The following RTTN variants were observed in gnomAD, a reference collection of about 807,000 sequenced individuals.
The protein encoded by RTTN is rotatin.
RTTN carries 182 observed loss-of-function variants against 269.2 expected under a neutral mutation model. That is an observed-to-expected ratio of 0.68 (90% CI 0.60 to 0.76). The LOEUF (loss-of-function observed/expected upper bound fraction) is 0.76, where lower values mean the gene tolerates loss of function less well. RTTN is among the 30% of genes least tolerant of loss of function. RTTN has a pLI of 0.00. For synonymous variants in RTTN, 1,006 were observed against 963.5 expected (o/e 1.04, Z -0.82); for missense variants, 2,545 against 2,608.6 (o/e 0.98, Z 0.53).
chr18:70,157,929 T>C (rs947679147), intron 14 of RTTN, among the ~76,000 whole-genome samples: 1 of 150,942 alleles, frequency 6.6e-6, no homozygotes, highest in Admixed American at 6.6e-5. Context: ...AAAAAAAAAC[T>C]TCAAGAAATA....
chr18:70,167,163 C>T, intron 12 of RTTN, 132 bp from the exon 13 acceptor site: 1 of 616,190 alleles, frequency 1.6e-6, no homozygotes, highest in Non-Finnish European at 2.8e-6. Context: ...TTTAAGTCCA[C>T]TTTCTCATCA....
At chr18:70,138,523 C>A (rs1296976783) in intron 21 of RTTN, 6 of 151,828 alleles carry the variant, frequency 4.0e-5, no homozygotes, top group Non-Finnish European at 7.4e-5. Context: ...AAAGGTAAAC[C>A]AGGAACTAAA....
intron 40 of RTTN, among the ~76,000 whole-genome samples, chr18:70,038,180 G>A (rs2057233652): frequency 6.6e-6 from 1 of 152,170 alleles, no homozygotes; most frequent in Non-Finnish European, 1.5e-5. Context: ...CAGGGTCTGG[G>A]GGAACTTACT....
chr18:70,075,612 C>T (rs2058408770), intron 32 of RTTN, 71 bp from the exon 33 acceptor site: 3 of 1,261,318 alleles, frequency 2.4e-6, no homozygotes, highest in Non-Finnish European at 3.2e-6. Flanking sequence ...GATCCATTGT[C>T]TCCTCTCGAG....
At chr18:70,077,390 GCT>G (rs2058455148) in intron 32 of RTTN, among the ~76,000 whole-genome samples, 1 of 151,836 alleles carries the variant, frequency 6.6e-6, no homozygotes, top group Non-Finnish European at 1.5e-5. Context: ...GACATCTACA[GCT>G]CTTTGAGAGA....
At chr18:70,121,218 T>C (rs1226762595) in intron 26 of RTTN, among the ~76,000 whole-genome samples, 5 of 152,096 alleles carry the variant, frequency 3.3e-5, no homozygotes, top group Admixed American at 2.0e-4. Flanking sequence ...TCTGGCTTTG[T>C]TAGCTAACTC....
chr18:70,188,206 T>C lies in RTTN; in HGVS notation c.1207A>G (p.Ile403Val). ...LLRTGSRQVI[I>V]RVLELLTEDM... is the part of the protein sequence containing the mutation. ...TCTGTAAGCAATTCCAGAACTCTTATTATCACTTGTCTGCTACCTAGGAAT... is the reference window on the plus strand; with the variant it reads ...TCTGTAAGCAATTCCAGAACTCTTACTATCACTTGTCTGCTACCTAGGAAT... Residue 403 changes from isoleucine to valine, a missense_variant, in exon 10 of 49, where the codon ATA becomes GTA. Coordinates refer to ENST00000640769, the MANE Select transcript of RTTN (RefSeq NM_173630.4). 1 of 1,599,858 alleles carries C rather than the reference T, an allele frequency of 6.3e-7. No homozygotes were observed. The highest frequency in any genetic ancestry group is 8.6e-7 in the Non-Finnish European group (1 of 1,168,346).
At chr18:70,099,358 T>A (rs1206030045) in intron 28 of RTTN, among the ~76,000 whole-genome samples, 5 of 152,240 alleles carry the variant, frequency 3.3e-5, no homozygotes, top group African/African-American at 4.8e-5. Flanking sequence ...CTTTCATGTG[T>A]CTGTTGGCTG....
chr18:70,146,069 A>C (rs2060384218), intron 17 of RTTN, among the ~76,000 whole-genome samples: 1 of 152,228 alleles, frequency 6.6e-6, no homozygotes, highest in South Asian at 2.1e-4. Context: ...CAATAAGTAC[A>C]TCTGCGAATT....
Position 70,017,479 on chromosome 18 carries a change from G to C in RTTN, c.6349C>G (p.Pro2117Ala). ...TGAAAGATAAGAAGAGGCAATAAAG[G>C]GCTGCTCTTGTGCTTGTATTTGCTC... ...EMSKYKHKSS[P>A]LLPLLIFHNV... is the part of the protein sequence containing the mutation. The change falls in exon 46 of 49, where the codon CCT becomes GCT. Residue 2117 changes from proline (P) to alanine (A), a missense_variant. Transcript: ENST00000640769. 6.2e-7 allele frequency: 1 copy of C among 1,613,918 alleles called. No individual in the cohort carries two copies.
intron 28 of RTTN, among the ~76,000 whole-genome samples, chr18:70,096,184 G>A (rs2058999084): frequency 6.6e-6 from 1 of 151,932 alleles, no homozygotes; most frequent in Non-Finnish European, 1.5e-5. Flanking sequence ...GGTTATTGTA[G>A]TTAGCAATTC....
At chr18:70,017,760 T>C in intron 45 of RTTN, 86 bp from the exon 46 acceptor site, 1 of 1,002,724 alleles carries the variant, frequency 1.0e-6, no homozygotes, top group Admixed American at 2.6e-5. Flanking sequence ...ACTAACATTC[T>C]GATATACTCT....
Position 70,197,699 on chromosome 18 carries a change from G to A in RTTN, c.618C>T (p.Thr206=), listed in dbSNP as rs372049233. The change falls in exon 6 of 49, where the codon ACC becomes ACT. Residue 206 remains threonine (T), a synonymous_variant. Transcript: ENST00000640769. ...TGATAACATCCTTCAATAGTTCACA[G>A]GTGTTCCAGATTAAAGTGTGGTTAC... ...RSSNHTLIWN[T]CELLKDVIMQ... is the part of the protein sequence containing the mutation. The A allele has an allele frequency of 7.4e-5, 119 of 1,613,332 alleles. No homozygotes were observed. The highest frequency in any genetic ancestry group is 9.5e-5 in the Non-Finnish European group (112 of 1,179,432).
chr18:70,180,624 C>T (rs570369034), intron 10 of RTTN, among the ~76,000 whole-genome samples: 1 of 149,624 alleles, frequency 6.7e-6, no homozygotes, highest in South Asian at 2.1e-4. Flanking sequence ...CACTGACATC[C>T]CAAGTTCATA....
At chr18:70,039,819 G>A (rs563454817) in intron 40 of RTTN, among the ~76,000 whole-genome samples, 4 of 152,280 alleles carry the variant, frequency 2.6e-5, no homozygotes, top group Admixed American at 1.3e-4. Flanking sequence ...AAAAGCAGGG[G>A]AGATAAAGTT....
intron 43 of RTTN, among the ~76,000 whole-genome samples, chr18:70,025,166 T>C (rs2056818758): frequency 6.6e-6 from 1 of 152,218 alleles, no homozygotes; most frequent in South Asian, 2.1e-4. Context: ...CTGTAAATGC[T>C]ATGAACTGGC....
chr18:70,014,967 T>G (rs1309431284), intron 46 of RTTN, among the ~76,000 whole-genome samples: 1 of 152,190 alleles, frequency 6.6e-6, no homozygotes, highest in East Asian at 1.9e-4. Context: ...GTTTCTATCT[T>G]TTCAGTTTTT....
At position 70,204,107 on chromosome 18, in the gene RTTN, A is replaced by T. The variant is rs3911730; in HGVS notation, c.376T>A (p.Ser126Thr). The T allele has an allele frequency of 3.2e-5, 51 of 1,612,192 alleles. No homozygotes were observed. The Admixed American group carries it at 5.8e-4, about 18-fold the overall frequency. ...PSEVPALSSA[S>T]YQTNQTELSK... ...TTACCAGTTTGATTGGTTTGGTATG[A>T]GGCAGAAGATAGTGCAGGAACTTCC... The change falls in exon 3 of 49, where the codon TCA becomes ACA. Residue 126 changes from serine (S) to threonine (T), a missense_variant. Ser to Thr is a moderately conservative substitution (Grantham distance 58, BLOSUM62 1). Transcript: ENST00000640769.
At chr18:70,036,785 A>G (rs981231967) in intron 40 of RTTN, among the ~76,000 whole-genome samples, 2 of 152,226 alleles carry the variant, frequency 1.3e-5, no homozygotes, top group African/African-American at 4.8e-5. Context: ...ACCAAATTTT[A>G]ACAACTATAT....
Sources: gnomAD v4.1 joint callset for allele counts (sites outside exome capture counted in the v4.1 genomes callset) on GRCh38, gnomAD v4.1.1 for gene constraint, MANE v1.5 for transcripts, NCBI Gene and HGNC (gene_info 2026-07-23, HGNC 2026-07-21) for gene names.